URB1: variants seen among roughly 807,000 people sequenced by gnomAD.
URB1 encodes URB1 ribosome biogenesis factor.
URB1 carries 197 observed loss-of-function variants against 242.3 expected under a neutral mutation model. The observed-to-expected ratio is 0.81, with a 90% CI of 0.72 to 0.91. The LOEUF (loss-of-function observed/expected upper bound fraction) is 0.91, where lower values mean the gene tolerates loss of function less well. URB1 is among the 40% of genes least tolerant of loss of function. The pLI is 0.00. For missense variants in URB1, 2,721 were observed against 2,860.5 expected (o/e 0.95, Z 1.11); for synonymous variants, 1,153 against 1,201.8 (o/e 0.96, Z 0.84).
At chr21:32,381,680 G>C (rs2033528814) in intron 4 of URB1, among the ~76,000 whole-genome samples, 1 of 152,238 alleles carries the variant, frequency 6.6e-6, no homozygotes, top group Non-Finnish European at 1.5e-5. Flanking sequence ...TTATTAATGT[G>C]TTAGGCGTGA....
intron 9 of URB1, among the ~76,000 whole-genome samples, chr21:32,366,988 T>G (rs557643690): frequency 5.8e-4 from 89 of 152,296 alleles, no homozygotes; most frequent in African/African-American, 2.0e-3. Flanking sequence ...GAACTTGACC[T>G]GTGGTCTGCA....
Position 32,316,536 on chromosome 21 carries a change from C to A in URB1, c.6564G>T (p.Gly2188=). 1 of 1,550,538 alleles carries A rather than the reference C, an allele frequency of 6.4e-7. No individual in the cohort carries two copies. The highest frequency in any genetic ancestry group is 1.2e-5 in the South Asian group (1 of 83,924). ...CTTCCATGGCCGGGTGGAAGGGGCT[C>A]CCTGCCCGGCCCTGGGCAGCCACCA... ...LQLVAAQGRA[G]SPFHPAMEAL... The change falls in exon 38 of 39, where the codon GGG becomes GGT. Residue 2188 remains glycine (G), a synonymous_variant. Transcript: ENST00000382751.
chr21:32,364,833 G>C (rs1241676992), intron 10 of URB1, among the ~76,000 whole-genome samples: 1 of 152,108 alleles, frequency 6.6e-6, no homozygotes, highest in Non-Finnish European at 1.5e-5. Flanking sequence ...GTCCCTGGAT[G>C]CACTCACATC....
At chr21:32,351,237 G>A (rs762796197) in intron 19 of URB1, among the ~76,000 whole-genome samples, 9 of 152,180 alleles carry the variant, frequency 5.9e-5, no homozygotes, top group Non-Finnish European at 1.0e-4. Context: ...GGCAGGATGT[G>A]AATCACAAGA....
chr21:32,378,383 CGGTTTGCAGTA>C, intron 5 of URB1, 51 bp downstream of exon 5: 1 of 1,434,378 alleles, frequency 7.0e-7, no homozygotes, highest in Non-Finnish European at 9.6e-7. Flanking sequence ...TTGGAAGAAA[CGGTTTGCAGTA>C]GGTTTTTCAA....
Position 32,361,058 on chromosome 21 carries a change from C to T in URB1, c.1705G>A (p.Val569Ile). 6.4e-7 allele frequency: 1 copy of T among 1,551,082 alleles called. No individual in the cohort carries two copies. The highest frequency in any genetic ancestry group is 8.7e-7 in the Non-Finnish European group (1 of 1,146,894). ...TTGTACTGCATGACCACGTGGGGGA[C>T]CACCTTCTGGTAGAGGCATATGACC... ...LQVICLYQKV[V>I]PHVVMQYNFD... Residue 569 changes from valine to isoleucine, a missense_variant, in exon 13 of 39, where the codon GTC (valine) becomes ATC (isoleucine). By Grantham distance (29) the Val-to-Ile change is conservative (BLOSUM62 3). Coordinates refer to ENST00000382751, the MANE Select transcript of URB1 (RefSeq NM_014825.3).
At chr21:32,332,471 G>A (rs367578195) in intron 30 of URB1, among the ~76,000 whole-genome samples, 1 of 9,928 alleles carries the variant, frequency 1.0e-4, no homozygotes, top group Non-Finnish European at 1.6e-4. Context: ...GTTGAAAAAA[G>A]AAAGACAAAA....
chr21:32,391,205 C>T (rs935169326), intron 1 of URB1, among the ~76,000 whole-genome samples: 3 of 102,498 alleles, frequency 2.9e-5, no homozygotes, highest in Admixed American at 1.4e-4. Context: ...CATCACACAC[C>T]GGGGCCTGTT....
At position 32,317,888 on chromosome 21, in the gene URB1, T is replaced by C. The variant is rs1395814378; in HGVS notation, c.5822A>G (p.Asn1941Ser). Residue 1941 changes from asparagine to serine, a missense_variant, in exon 37 of 39, where the codon AAC becomes AGC. Coordinates refer to ENST00000382751, the MANE Select transcript of URB1 (RefSeq NM_014825.3). Reference protein sequence around the residue: ...RPTLAPVQLTNFFGTLDSVLR... With the variant: ...RPTLAPVQLTSFFGTLDSVLR... ...CACGGAGTCAAGTGTCCCGAAGAAG[T>C]TGGTCAGCTGGACGGGGGCCAAGGT... is the stretch of plus-strand genomic sequence containing the variant. The C allele has an allele frequency of 2.6e-6, 4 of 1,551,662 alleles. No individual in the cohort carries two copies. The South Asian group carries it at 4.8e-5, about 18-fold the overall frequency.
intron 31 of URB1, among the ~76,000 whole-genome samples, chr21:32,324,972 A>T (rs937046655): frequency 6.6e-5 from 10 of 152,208 alleles, no homozygotes; most frequent in Non-Finnish European, 1.3e-4. Flanking sequence ...TAGAAGTCAT[A>T]TAATTTTGTC....
In URB1 at chr21:32,361,159, A is replaced by AAAAAG. The variant is rs1555839834; in HGVS notation, c.1640-37_1640-36insCTTTT. 9 of 270,204 alleles carry AAAAAG rather than the reference A, an allele frequency of 3.3e-5. No homozygotes were observed. The East Asian group carries it at 8.1e-4, about 24-fold the overall frequency. The allele number at this position is 270,204 out of a possible 1,614,324, so 16.7% of individuals were successfully genotyped here. ...AAAAGAAAAAGAAAGAAAAAGAGAAAAAAGAAAGAAAGAAAGAAAGAAAGA... is the reference window on the plus strand; with the variant it reads ...AAAAGAAAAAGAAAGAAAAAGAGAAAAAAAGAAAGAAAGAAAGAAAGAAAGAAAGA... On this transcript the variant is annotated intron_variant, in intron 12 of 38. Coordinates refer to ENST00000382751, the MANE Select transcript of URB1 (RefSeq NM_014825.3).
At chr21:32,385,815 G>A in intron 1 of URB1, 131 bp from the exon 2 acceptor site, 1 of 1,227,614 alleles carries the variant, frequency 8.1e-7, no homozygotes, top group Non-Finnish European at 1.1e-6. Context: ...AAGCTACTAT[G>A]AATGCTATCA....
chr21:32,388,250 G>A (rs2033603472), intron 1 of URB1, among the ~76,000 whole-genome samples: 1 of 152,118 alleles, frequency 6.6e-6, no homozygotes, highest in African/African-American at 2.4e-5. Flanking sequence ...CTGTATAACG[G>A]AACAAGAACA....
chr21:32,349,582 G>C (rs1454719730), intron 20 of URB1, 99 bp from the exon 21 acceptor site: 7 of 1,311,774 alleles, frequency 5.3e-6, no homozygotes, highest in Non-Finnish European at 7.1e-6. Context: ...AGGAGACTCG[G>C]GAGGCAGGCT....
At chr21:32,317,132 G>A (rs1265858753) in intron 37 of URB1, 67 bp from the exon 38 acceptor site, 1 of 1,450,740 alleles carries the variant, frequency 6.9e-7, no homozygotes, top group Non-Finnish European at 9.1e-7. Context: ...TCCAGATGTG[G>A]GGAGGTGTCA....
chr21:32,384,555 G>C, intron 2 of URB1, 91 bp from the exon 3 acceptor site: 1 of 1,463,916 alleles, frequency 6.8e-7, no homozygotes, highest in Non-Finnish European at 9.1e-7. Context: ...ATAGTTACTT[G>C]TAGGCTTAAA....
At chr21:32,361,547 G>A (rs952120520) in intron 12 of URB1, among the ~76,000 whole-genome samples, 1 of 152,208 alleles carries the variant, frequency 6.6e-6, no homozygotes, top group Non-Finnish European at 1.5e-5. Flanking sequence ...CTCAATGCCT[G>A]ACCAACAACA....
In URB1 at chr21:32,314,519, TA is replaced by T. The variant is rs775646260; in HGVS notation, c.*398del. 1.9e-6 allele frequency: 3 copies of T among 1,590,290 alleles called. No homozygotes were observed. The highest frequency in any genetic ancestry group is 1.7e-6 in the Non-Finnish European group (2 of 1,158,412). On this transcript the variant is annotated 3_prime_UTR_variant, in exon 39 of 39. Transcript: ENST00000382751. ...CTTTAAACATCTCTCTTCGTTTTCA[TA>T]AAAAAAATCTGATACCTTTTGACAT...
At position 32,311,970 on chromosome 21, in the gene URB1, G is replaced by A. The variant is rs148892790; in HGVS notation, c.*2948C>T. 9.9e-6 allele frequency: 16 copies of A among 1,613,328 alleles called. No individual in the cohort carries two copies. Among genetic ancestry groups the A allele is most frequent in the Non-Finnish European group, 1.4e-5 (16 of 1,180,056 alleles). On this transcript the variant is annotated 3_prime_UTR_variant, in exon 39 of 39. Coordinates refer to ENST00000382751, the MANE Select transcript of URB1 (RefSeq NM_014825.3). Reference sequence around the variant, plus strand: ...CAAGCCCAGCGAGCCTCCCCCTGGAGACAGGACCTCTCAATTGCAGAGCTG... The same window carrying A: ...CAAGCCCAGCGAGCCTCCCCCTGGAAACAGGACCTCTCAATTGCAGAGCTG...
Sources: allele counts gnomAD v4.1 joint callset (sites outside exome capture counted in the v4.1 genomes callset), GRCh38; gene constraint gnomAD v4.1.1; transcripts MANE v1.5; gene names NCBI Gene and HGNC (gene_info 2026-07-23, HGNC 2026-07-21).